Variants in NRXN3 observed in about 807,000 individuals in gnomAD.
NRXN3 encodes neurexin III.
In NRXN3, 32 loss-of-function variants were observed where a neutral mutation model predicts 137.6. The ratio of observed to expected loss-of-function variants is 0.23; its 90% CI spans 0.18 to 0.31. NRXN3 has a LOEUF of 0.31. NRXN3 is among the 10% of genes least tolerant of loss of function. The probability of loss-of-function intolerance (pLI) is 1.00; values close to 1 mark genes in which losing one functional copy is unlikely to be tolerated. For synonymous variants in NRXN3, 798 were observed against 784.5 expected (o/e 1.02, Z -0.29); for missense variants, 1,574 against 2,062.5 (o/e 0.76, Z 4.59).
intron 4 of NRXN3, among the ~76,000 whole-genome samples, chr14:78,549,202 G>A (rs1254115369): frequency 6.6e-6 from 1 of 152,164 alleles, no homozygotes; most frequent in Non-Finnish European, 1.5e-5. Context: ...CTTACCAAGA[G>A]GATGCTTTGT....
At chr14:79,381,722 A>G (rs1269778935) in intron 15 of NRXN3, among the ~76,000 whole-genome samples, 1 of 152,224 alleles carries the variant, frequency 6.6e-6, no homozygotes, top group Non-Finnish European at 1.5e-5. Flanking sequence ...AAATAATCAC[A>G]AGACATAACC....
chr14:78,895,466 T>C (rs1325649414), intron 10 of NRXN3, among the ~76,000 whole-genome samples: 1 of 151,952 alleles, frequency 6.6e-6, no homozygotes, highest in Non-Finnish European at 1.5e-5. Context: ...AGGCTTTGGC[T>C]TAAGGGAATG....
chr14:79,578,522 C>T (rs984667026), intron 16 of NRXN3, among the ~76,000 whole-genome samples: 2 of 152,168 alleles, frequency 1.3e-5, no homozygotes, highest in African/African-American at 4.8e-5. Context: ...CAACCCCCAC[C>T]ATAAGTCACA....
At position 79,338,218 on chromosome 14, in the gene NRXN3, A is replaced by AGTGT. The variant is rs56816357; in HGVS notation, c.3263-128973_3263-128970dup. Among the ~76,000 whole-genome samples, 325 of 141,242 alleles carry AGTGT rather than the reference A, an allele frequency of 2.3e-3. 2 individuals are homozygous for AGTGT. Among genetic ancestry groups the AGTGT allele is most frequent in the African/African-American group, 5.2e-3 (196 of 37,912 alleles). 92.7% of individuals were successfully genotyped at this position (141,242 alleles called of 152,430 possible). A position where few individuals can be genotyped will look rare whatever the true frequency, so the allele number is the denominator to read the frequency against. ...CGGGGTGTGTGTGTGTGTGTATGTG[A>AGTGT]GTGTGTGTGTGTGTGTGTGTGTGTG... On this transcript the variant is annotated intron_variant, in intron 15 of 20. Transcript: ENST00000335750.
At chr14:79,061,743 CA>C (rs2099674572) in intron 15 of NRXN3, among the ~76,000 whole-genome samples, 1 of 152,170 alleles carries the variant, frequency 6.6e-6, no homozygotes, top group African/African-American at 2.4e-5. Flanking sequence ...GGGTTATACA[CA>C]AGTTACGAGT....
At chr14:79,044,134 C>A (rs1288184459) in intron 15 of NRXN3, among the ~76,000 whole-genome samples, 1 of 152,198 alleles carries the variant, frequency 6.6e-6, no homozygotes, top group Admixed American at 6.5e-5. Context: ...GACTTTTTGT[C>A]TTCCACCTAA....
chr14:79,510,140 A>C (rs2096918695), intron 16 of NRXN3, among the ~76,000 whole-genome samples: 1 of 152,210 alleles, frequency 6.6e-6, no homozygotes, highest in African/African-American at 2.4e-5. Context: ...CGTTTACCTA[A>C]GATAATTGCA....
intron 4 of NRXN3, among the ~76,000 whole-genome samples, chr14:78,524,746 A>T (rs1201957998): frequency 6.6e-6 from 1 of 151,574 alleles, no homozygotes; most frequent in Non-Finnish European, 1.5e-5. Context: ...TCTCAGCACA[A>T]TTTTTTTTTC....
Position 79,059,257 on chromosome 14 carries a change from T to TTTTTTTTTTTTTC in NRXN3, c.3262+71128_3262+71129insCTTTTTTTTTTTT, listed in dbSNP as rs2099670939. Reference sequence around the variant, plus strand: ...CTGCCTTCAGGCCCTATTCTTTTTTTTTTTTTTTTTTTTTTTTTGAGATGG... The same window carrying TTTTTTTTTTTTTC: ...CTGCCTTCAGGCCCTATTCTTTTTTTTTTTTTTTTTTTCTTTTTTTTTTTTTTTTTTGAGATGG... On this transcript the variant is annotated intron_variant, in intron 15 of 20. Transcript: ENST00000335750. 6.6e-4 allele frequency among the ~76,000 whole-genome samples: 20 copies of TTTTTTTTTTTTTC among 30,442 alleles called. 1 individual carries two copies. The highest frequency in any genetic ancestry group is 1.1e-3 in the African/African-American group (19 of 17,076). The allele number at this position is 30,442 out of a possible 152,430, so 20.0% of individuals were successfully genotyped here. A position where few individuals can be genotyped will look rare whatever the true frequency, so the allele number is the denominator to read the frequency against.
At chr14:78,255,336 G>A (rs2069382743) in intron 2 of NRXN3, among the ~76,000 whole-genome samples, 2 of 152,158 alleles carry the variant, frequency 1.3e-5, no homozygotes, top group African/African-American at 4.8e-5. Context: ...CGGACCACAC[G>A]CATGTGCTGG....
At chr14:79,533,427 A>G (rs891478042) in intron 16 of NRXN3, among the ~76,000 whole-genome samples, 1 of 152,172 alleles carries the variant, frequency 6.6e-6, no homozygotes, top group African/African-American at 2.4e-5. Flanking sequence ...CAGCTTTTTG[A>G]CTACCGACAG....
At chr14:79,851,034 G>C (rs915450558) in intron 20 of NRXN3, among the ~76,000 whole-genome samples, 24 of 152,102 alleles carry the variant, frequency 1.6e-4, no homozygotes, top group African/African-American at 4.8e-4. Context: ...CTACTTGTAA[G>C]AGTTTTAAAA....
intron 10 of NRXN3, among the ~76,000 whole-genome samples, chr14:78,935,910 C>A (rs944173994): frequency 1.3e-5 from 2 of 152,172 alleles, no homozygotes; most frequent in Non-Finnish European, 2.9e-5. Flanking sequence ...TCTATTTATA[C>A]CTTTCATTCA....
chr14:78,877,978 G>T (rs1298373469), intron 10 of NRXN3, among the ~76,000 whole-genome samples: 3 of 152,094 alleles, frequency 2.0e-5, no homozygotes, highest in Non-Finnish European at 4.4e-5. Flanking sequence ...TGAATATTTA[G>T]AACTTTCTTT....
chr14:78,219,835 G>C (rs974932420), intron 1 of NRXN3, among the ~76,000 whole-genome samples: 1 of 152,170 alleles, frequency 6.6e-6, no homozygotes, highest in Non-Finnish European at 1.5e-5. Context: ...GAAGGAGAGA[G>C]AGGTTGGAAG....
chr14:78,185,540 C>T (rs2060160612), intron 1 of NRXN3, among the ~76,000 whole-genome samples: 1 of 152,116 alleles, frequency 6.6e-6, no homozygotes, highest in African/African-American at 2.4e-5. Flanking sequence ...TTAGGATGAT[C>T]CCTATTATAA....
At chr14:79,590,582 C>T (rs1277677397) in intron 16 of NRXN3, among the ~76,000 whole-genome samples, 1 of 152,110 alleles carries the variant, frequency 6.6e-6, no homozygotes, top group Non-Finnish European at 1.5e-5. Context: ...CACATGATAT[C>T]TAAATTAGTC....
chr14:79,237,708 T>C (rs1299533527), intron 15 of NRXN3, among the ~76,000 whole-genome samples: 1 of 152,154 alleles, frequency 6.6e-6, no homozygotes, highest in Non-Finnish European at 1.5e-5. Flanking sequence ...TCATCCACCC[T>C]ACCCTGGAGA....
Position 79,781,346 on chromosome 14 carries a change from A to G in NRXN3, c.4015-23766A>G, listed in dbSNP as rs544296105. Among the ~76,000 whole-genome samples, 4 of 152,340 alleles carry G rather than the reference A, an allele frequency of 2.6e-5. No homozygotes were observed. In the East Asian group the frequency reaches 5.8e-4, roughly 22 times the overall value. On this transcript the variant is annotated intron_variant, in intron 19 of 20. Transcript: ENST00000335750. ...AAATTAGTGGTAGTATGATACGGGA[A>G]AAGAGTAATGTCAAAATGCATGGTA...
Sources: allele counts gnomAD v4.1 joint callset (sites outside exome capture counted in the v4.1 genomes callset), GRCh38; gene constraint gnomAD v4.1.1; transcripts MANE v1.5; gene names NCBI Gene and HGNC (gene_info 2026-07-23, HGNC 2026-07-21).